The following PRKAR2B variants were observed in gnomAD, a reference collection of about 807,000 sequenced individuals.
The protein encoded by PRKAR2B is protein kinase cAMP-dependent type II regulatory subunit beta, also known as cAMP-dependent protein kinase type II-beta regulatory subunit.
PRKAR2B carries 14 observed loss-of-function variants against 49.9 expected under a neutral mutation model. That is an observed-to-expected ratio of 0.28 (90% CI 0.19 to 0.44). The LOEUF is 0.44. Ranked by LOEUF, PRKAR2B falls within the 20% of genes least tolerant of loss-of-function variation. The pLI is 1.00. For synonymous variants in PRKAR2B, 196 were observed against 197.7 expected, an observed-to-expected ratio of 0.99 and a Z score of 0.07; for missense variants, 393 against 537.9, an observed-to-expected ratio of 0.73 and a Z score of 2.67.
At chr7:107,125,049 A>T (rs577181354) in intron 3 of PRKAR2B, among the ~76,000 whole-genome samples, 1 of 152,228 alleles carries the variant, frequency 6.6e-6, no homozygotes, top group South Asian at 2.1e-4. Flanking sequence ...TATAGATTTT[A>T]TGTGTCAGGA....
Position 107,140,924 on chromosome 7 carries a change from C to T in PRKAR2B, c.558C>T (p.Asp186=), listed in dbSNP as rs748495453. ...GGGAGCATGTAATTGATCAAGGTGA[C>T]GATGGTGACAACTTTTATGTAATTG... ...KDGEHVIDQG[D]DGDNFYVIDR... is the part of the protein sequence containing the mutation. The change falls in exon 5 of 11, where the codon GAC becomes GAT. Residue 186 remains aspartate (D), a synonymous_variant. Coordinates refer to ENST00000265717, the MANE Select transcript of PRKAR2B (RefSeq NM_002736.3). 8.7e-6 allele frequency: 14 copies of T among 1,612,422 alleles called. No individual in the cohort carries two copies. The highest frequency in any genetic ancestry group is 5.0e-5 in the Admixed American group (3 of 59,862).
chr7:107,128,389 A>T (rs1795536641), intron 4 of PRKAR2B, 94 bp downstream of exon 4: 1 of 894,714 alleles, frequency 1.1e-6, no homozygotes, highest in Non-Finnish European at 1.7e-6. Flanking sequence ...CCCTCTTTGT[A>T]AGCTGATCAC....
intron 1 of PRKAR2B, among the ~76,000 whole-genome samples, chr7:107,055,058 C>T (rs994372569): frequency 1.1e-3 from 162 of 151,920 alleles, no homozygotes; most frequent in Non-Finnish European, 1.7e-3. Flanking sequence ...TGAGAACATG[C>T]GGTGTTTGGT....
chr7:107,116,059 T>C (rs2115569377), intron 2 of PRKAR2B, among the ~76,000 whole-genome samples: 1 of 152,354 alleles, frequency 6.6e-6, no homozygotes, highest in Non-Finnish European at 1.5e-5. Flanking sequence ...GCAGTGTTTG[T>C]AACTGTTGTG....
At chr7:107,059,422 T>A (rs1793982492) in intron 1 of PRKAR2B, among the ~76,000 whole-genome samples, 1 of 152,138 alleles carries the variant, frequency 6.6e-6, no homozygotes, top group African/African-American at 2.4e-5. Context: ...GTGTTTCTGG[T>A]ATGTGGTTTT....
At chr7:107,116,893 A>G (rs1307022823) in intron 2 of PRKAR2B, among the ~76,000 whole-genome samples, 9 of 149,234 alleles carry the variant, frequency 6.0e-5, no homozygotes, top group Non-Finnish European at 1.0e-4. Context: ...ACATATATAT[A>G]TATGTGTGTG....
intron 1 of PRKAR2B, among the ~76,000 whole-genome samples, chr7:107,056,151 C>G (rs2116753956): frequency 6.6e-6 from 1 of 152,232 alleles, no homozygotes; most frequent in African/African-American, 2.4e-5. Flanking sequence ...TTTCTGAGGG[C>G]TCTGTTCTGT....
At chr7:107,157,129 G>T (rs1796107387) in intron 9 of PRKAR2B, 57 bp from the exon 10 acceptor site, 1 of 1,606,906 alleles carries the variant, frequency 6.2e-7, no homozygotes, top group Non-Finnish European at 8.5e-7. Context: ...TTAGACTGAG[G>T]TTAATTTTAT....
chr7:107,112,573 A>AT (rs1417368434), intron 2 of PRKAR2B, among the ~76,000 whole-genome samples: 4 of 152,088 alleles, frequency 2.6e-5, no homozygotes, highest in African/African-American at 9.7e-5. Context: ...ACCAAATCTT[A>AT]TTTTTATTTT....
intron 2 of PRKAR2B, 86 bp downstream of exon 2, chr7:107,070,402 T>C: frequency 2.5e-6 from 3 of 1,183,924 alleles, no homozygotes; most frequent in Non-Finnish European, 3.7e-6. Context: ...CAAAGAATAA[T>C]TGCTGTATAG....
chr7:107,126,974 T>C (rs1232573485), intron 3 of PRKAR2B, among the ~76,000 whole-genome samples: 1 of 152,208 alleles, frequency 6.6e-6, no homozygotes, highest in East Asian at 1.9e-4. Context: ...AGTTCTTTCA[T>C]GTAGTCTTTA....
At chr7:107,136,290 C>T (rs1156871721) in intron 4 of PRKAR2B, among the ~76,000 whole-genome samples, 2 of 152,000 alleles carry the variant, frequency 1.3e-5, no homozygotes, top group Non-Finnish European at 2.9e-5. Context: ...GATGTAACAC[C>T]AAAGGCACAT....
rs1167485892 is a variant in PRKAR2B at position 107,117,808 on chromosome 7, T to G, written c.344-4144T>G. Among the ~76,000 whole-genome samples, 6 of 152,184 alleles carry G rather than the reference T, an allele frequency of 3.9e-5. No homozygotes were observed. In the East Asian group the frequency reaches 9.6e-4, roughly 24 times the overall value. On this transcript the variant is annotated intron_variant, in intron 2 of 10. Coordinates refer to ENST00000265717, the MANE Select transcript of PRKAR2B (RefSeq NM_002736.3). ...TGCGAAGTCAGTATAGTTGGTATTTTCCTGTTCTGTCCTGCAAGTTGTGAC... is the reference window on the plus strand; with the variant it reads ...TGCGAAGTCAGTATAGTTGGTATTTGCCTGTTCTGTCCTGCAAGTTGTGAC...
At chr7:107,116,112 T>C (rs905070694) in intron 2 of PRKAR2B, among the ~76,000 whole-genome samples, 4 of 152,244 alleles carry the variant, frequency 2.6e-5, no homozygotes, top group African/African-American at 9.6e-5. Flanking sequence ...AATTTCTTTA[T>C]GCCTAAGGTT....
chr7:107,066,301 G>GGGTGTGT lies in PRKAR2B; in HGVS notation c.308-3979_308-3978insGTGTGTG, dbSNP rs147673007. 8.4e-3 allele frequency among the ~76,000 whole-genome samples: 1,219 copies of GGGTGTGT among 145,590 alleles called. 22 individuals carry two copies. The highest frequency in any genetic ancestry group is 0.03 in the African/African-American group (1,140 of 38,620). On this transcript the variant is annotated intron_variant, in intron 1 of 10. Transcript: ENST00000265717. ...AGTCTCTAGTTTTCTCTCTATGTGG[G>GGGTGTGT]GTGTGTGTGTGTGTGTGTGTGTGTG...
intron 2 of PRKAR2B, among the ~76,000 whole-genome samples, chr7:107,076,641 T>C (rs1794404074): frequency 6.6e-6 from 1 of 152,224 alleles, no homozygotes; most frequent in Non-Finnish European, 1.5e-5. Flanking sequence ...TAAGTAATTA[T>C]TTCTTATAAT....
At chr7:107,099,899 G>T (rs1290588665) in intron 2 of PRKAR2B, among the ~76,000 whole-genome samples, 1 of 152,186 alleles carries the variant, frequency 6.6e-6, no homozygotes, top group South Asian at 2.1e-4. Flanking sequence ...CTCCGTAAGT[G>T]TTGGGATTAC....
chr7:107,113,403 G>A (rs1001191507), intron 2 of PRKAR2B, among the ~76,000 whole-genome samples: 3 of 152,082 alleles, frequency 2.0e-5, no homozygotes, highest in Non-Finnish European at 2.9e-5. Context: ...TTTCACCTTG[G>A]CATTTTAATT....
chr7:107,089,170 A>G (rs1794675203), intron 2 of PRKAR2B, among the ~76,000 whole-genome samples: 1 of 152,168 alleles, frequency 6.6e-6, no homozygotes, highest in African/African-American at 2.4e-5. Flanking sequence ...TCCATCTCAA[A>G]AACAAACAAA....
Sources: allele counts gnomAD v4.1 joint callset (sites outside exome capture counted in the v4.1 genomes callset), GRCh38; gene constraint gnomAD v4.1.1; transcripts MANE v1.5; gene names NCBI Gene and HGNC (gene_info 2026-07-23, HGNC 2026-07-21).